Variants in TRHDE observed in about 807,000 individuals in gnomAD.
The protein encoded by TRHDE is thyrotropin-releasing hormone-degrading ectoenzyme.
Under a neutral mutation model 125.7 loss-of-function variants are expected in TRHDE, and 72 were observed. The observed-to-expected ratio is 0.57, with a 90% CI of 0.47 to 0.70. The LOEUF (loss-of-function observed/expected upper bound fraction) is 0.70. Among genes scored for constraint, TRHDE ranks in the 30% least tolerant of loss-of-function variants. TRHDE has a pLI of 0.00. For missense variants in TRHDE, 1,110 were observed against 1,327.1 expected, an observed-to-expected ratio of 0.84 and a Z score of 2.54; for synonymous variants, 509 against 509.1, an observed-to-expected ratio of 1.00 and a Z score of 0.00.
chr12:72,176,108 G>A (rs1221598849), intron 2 of TRHDE, among the ~76,000 whole-genome samples: 1 of 152,134 alleles, frequency 6.6e-6, no homozygotes, highest in African/African-American at 2.4e-5. Flanking sequence ...TACAATCCCA[G>A]CACTTTGGGA....
chr12:72,613,868 CT>C (rs1437628327), intron 12 of TRHDE, among the ~76,000 whole-genome samples: 1 of 152,030 alleles, frequency 6.6e-6, no homozygotes, highest in East Asian at 1.9e-4. Flanking sequence ...ATATGTGAGA[CT>C]GTGTAATTTA....
intron 2 of TRHDE, 120 bp downstream of exon 2, chr12:72,287,074 C>T (rs73336682): frequency 0.16 from 176,680 of 1,081,700 alleles, 15,275 homozygotes; most frequent in Middle Eastern, 0.28. Flanking sequence ...GGAATTCTTT[C>T]TTTAATTCTT....
At chr12:72,150,928 T>C (rs1876347027) in intron 2 of TRHDE, among the ~76,000 whole-genome samples, 1 of 152,150 alleles carries the variant, frequency 6.6e-6, no homozygotes, top group Non-Finnish European at 1.5e-5. Flanking sequence ...ATGGGATGGC[T>C]GGGTCAAATG....
chr12:72,104,703 G>A (rs1875143578), intron 1 of TRHDE, among the ~76,000 whole-genome samples: 1 of 152,150 alleles, frequency 6.6e-6, no homozygotes, highest in South Asian at 2.1e-4. Context: ...GTGGGACAGA[G>A]GCCTGTTAAT....
chr12:72,325,949 G>T (rs1233700419), intron 2 of TRHDE, among the ~76,000 whole-genome samples: 1 of 152,090 alleles, frequency 6.6e-6, no homozygotes, highest in African/African-American at 2.4e-5. Flanking sequence ...TTGCCAGTTT[G>T]TTGAAGGAAA....
At chr12:72,478,457 A>G (rs1235297302) in intron 5 of TRHDE, among the ~76,000 whole-genome samples, 1 of 152,200 alleles carries the variant, frequency 6.6e-6, no homozygotes, top group Non-Finnish European at 1.5e-5. Context: ...GACTAACTGA[A>G]ATATAGCCGA....
At chr12:72,224,753 T>C (rs1410297202) in intron 2 of TRHDE, among the ~76,000 whole-genome samples, 1 of 152,136 alleles carries the variant, frequency 6.6e-6, no homozygotes, top group East Asian at 1.9e-4. Context: ...CTAATGAGTA[T>C]TTTGCAGCAT....
intron 1 of TRHDE, among the ~76,000 whole-genome samples, chr12:72,090,465 T>C (rs1025478708): frequency 9.9e-5 from 15 of 152,208 alleles, no homozygotes; most frequent in African/African-American, 3.4e-4. Flanking sequence ...ACTTACTTTT[T>C]CTCCTTTTAT....
chr12:72,320,750 AT>A (rs760521717), intron 2 of TRHDE, among the ~76,000 whole-genome samples: 6 of 152,196 alleles, frequency 3.9e-5, no homozygotes, highest in Non-Finnish European at 7.3e-5. Flanking sequence ...GACAGAGTAT[AT>A]TAGGTAAAGC....
intron 12 of TRHDE, among the ~76,000 whole-genome samples, chr12:72,616,135 T>G (rs769166103): frequency 5.3e-5 from 8 of 152,138 alleles, no homozygotes; most frequent in Non-Finnish European, 1.0e-4. Context: ...ATTTCTCTGT[T>G]TAATGAATGC....
intron 12 of TRHDE, among the ~76,000 whole-genome samples, chr12:72,598,171 GAATAT>G (rs1872058780): frequency 6.6e-6 from 1 of 152,050 alleles, no homozygotes; most frequent in Non-Finnish European, 1.5e-5. Flanking sequence ...TCCTATCTAT[GAATAT>G]AGTTAGAATC....
chr12:72,618,194 T>C (rs1318304798), intron 12 of TRHDE, among the ~76,000 whole-genome samples: 1 of 152,126 alleles, frequency 6.6e-6, no homozygotes, highest in East Asian at 1.9e-4. Context: ...ACAATATGTG[T>C]TAAGATAATT....
intron 3 of TRHDE, among the ~76,000 whole-genome samples, chr12:72,393,051 C>T (rs11179183): frequency 0.1 from 15,798 of 151,956 alleles, 1,080 homozygotes; most frequent in African/African-American, 0.18. Flanking sequence ...TGATTGAATG[C>T]TAATGTTTCA....
At chr12:72,306,954 G>A (rs181578983) in intron 2 of TRHDE, among the ~76,000 whole-genome samples, 11 of 152,294 alleles carry the variant, frequency 7.2e-5, no homozygotes, top group Admixed American at 2.0e-4. Flanking sequence ...GGGAACAGGA[G>A]TTGAGGCAGA....
chr12:72,218,863 A>G (rs1039837053), intron 2 of TRHDE, among the ~76,000 whole-genome samples: 8 of 152,122 alleles, frequency 5.3e-5, no homozygotes, highest in South Asian at 4.1e-4. Flanking sequence ...AATTATATTT[A>G]CTAAGATGCT....
chr12:72,169,913 C>T (rs1352357620), intron 2 of TRHDE, among the ~76,000 whole-genome samples: 2 of 152,108 alleles, frequency 1.3e-5, no homozygotes, highest in African/African-American at 4.8e-5. Context: ...AGTGGAATCA[C>T]TCGGACTTTG....
At chr12:72,529,424 C>T (rs541241803) in intron 6 of TRHDE, among the ~76,000 whole-genome samples, 1 of 152,060 alleles carries the variant, frequency 6.6e-6, no homozygotes, top group Admixed American at 6.6e-5. Context: ...TTCTTAACCC[C>T]CTGTCCCTCC....
intron 6 of TRHDE, among the ~76,000 whole-genome samples, chr12:72,505,993 T>A (rs1391326307): frequency 6.6e-6 from 1 of 152,156 alleles, no homozygotes; most frequent in African/African-American, 2.4e-5. Flanking sequence ...AAAAAGATGA[T>A]GCCTTTCTTC....
At chr12:72,332,136 C>G (rs567602901) in intron 2 of TRHDE, among the ~76,000 whole-genome samples, 268 of 134,006 alleles carry the variant, frequency 2.0e-3, no homozygotes, top group African/African-American at 6.7e-3. Context: ...CAAGGGGGAG[C>G]TCCCAAACTC....
Sources: allele counts gnomAD v4.1 joint callset (sites outside exome capture counted in the v4.1 genomes callset), GRCh38; gene constraint gnomAD v4.1.1; transcripts MANE v1.5; gene names NCBI Gene and HGNC (gene_info 2026-07-23, HGNC 2026-07-21).